The following MYO3B variants were observed in gnomAD, a reference collection of about 807,000 sequenced individuals.
MYO3B encodes the protein myosin IIIB.
MYO3B carries 156 observed loss-of-function variants against 174.6 expected under a neutral mutation model. The observed-to-expected ratio is 0.89, with a 90% confidence interval of 0.78 to 1.02. The LOEUF (loss-of-function observed/expected upper bound fraction) is 1.02, where lower values mean the gene tolerates loss of function less well. MYO3B is among the 50% of genes least tolerant of loss of function. The probability of loss-of-function intolerance (pLI) is 0.00; values close to 1 mark genes in which losing one functional copy is unlikely to be tolerated. For missense variants in MYO3B, 1,632 were observed against 1,639.4 expected, an observed-to-expected ratio of 1.00 and a Z score of 0.08; for synonymous variants, 563 against 569.1, an observed-to-expected ratio of 0.99 and a Z score of 0.15.
intron 7 of MYO3B, among the ~76,000 whole-genome samples, chr2:170,263,911 A>G (rs1322130783): frequency 6.6e-6 from 1 of 152,142 alleles, no homozygotes; most frequent in Non-Finnish European, 1.5e-5. Flanking sequence ...GTGAGGCCAT[A>G]TCTCAGGCTA....
chr2:170,519,122 T>C (rs1382906100), intron 29 of MYO3B, among the ~76,000 whole-genome samples: 1 of 152,182 alleles, frequency 6.6e-6, no homozygotes, highest in East Asian at 1.9e-4. Flanking sequence ...GTTCCAGCTG[T>C]TGTATACTGC....
At chr2:170,540,968 T>G (rs1690061287) in intron 30 of MYO3B, among the ~76,000 whole-genome samples, 1 of 152,192 alleles carries the variant, frequency 6.6e-6, no homozygotes, top group Admixed American at 6.5e-5. Context: ...TCTAATTTAT[T>G]TGCCTGTAGA....
At chr2:170,445,303 T>G (rs532719887) in intron 23 of MYO3B, among the ~76,000 whole-genome samples, 11 of 152,202 alleles carry the variant, frequency 7.2e-5, no homozygotes, top group Admixed American at 2.6e-4. Flanking sequence ...CTTCTTGTGC[T>G]TAGAAACACT....
intron 7 of MYO3B, among the ~76,000 whole-genome samples, chr2:170,293,736 T>TC (rs2093610931): frequency 6.6e-6 from 1 of 152,096 alleles, no homozygotes; most frequent in Non-Finnish European, 1.5e-5. Flanking sequence ...AGACCACAGC[T>TC]CCCCTGATTG....
intron 1 of MYO3B, among the ~76,000 whole-genome samples, chr2:170,183,657 T>C (rs2092430356): frequency 6.6e-6 from 1 of 152,164 alleles, no homozygotes; most frequent in South Asian, 2.1e-4. Flanking sequence ...ATCTTCCCAG[T>C]GTTTATTTCT....
chr2:170,600,397 T>C (rs1163308690), intron 32 of MYO3B, among the ~76,000 whole-genome samples: 1 of 152,170 alleles, frequency 6.6e-6, no homozygotes, highest in Non-Finnish European at 1.5e-5. Flanking sequence ...ACGTGACTAA[T>C]GAATGAGTTT....
intron 3 of MYO3B, among the ~76,000 whole-genome samples, chr2:170,210,643 C>CA (rs1559301683): frequency 6.6e-6 from 1 of 152,176 alleles, no homozygotes; most frequent in Non-Finnish European, 1.5e-5. Flanking sequence ...ACCAAAAAGG[C>CA]AGTTTATAAC....
At chr2:170,522,959 T>TA (rs35950752) in intron 30 of MYO3B, among the ~76,000 whole-genome samples, 2 of 152,122 alleles carry the variant, frequency 1.3e-5, no homozygotes, top group African/African-American at 2.4e-5. Flanking sequence ...CTCTTGTTAC[T>TA]AAAAAAAATC....
At chr2:170,498,735 G>T (rs369405057) in intron 26 of MYO3B, 32 bp downstream of exon 26, 39 of 1,399,984 alleles carry the variant, frequency 2.8e-5, no homozygotes, top group African/African-American at 4.2e-5. Flanking sequence ...AAATTGTCCC[G>T]TATGATTTCT....
chr2:170,279,949 T>C (rs1348309587), intron 7 of MYO3B, among the ~76,000 whole-genome samples: 1 of 152,200 alleles, frequency 6.6e-6, no homozygotes, highest in East Asian at 1.9e-4. Flanking sequence ...GTCTTTATGG[T>C]AGAATGATTT....
chr2:170,505,040 C>A (rs376662536), intron 28 of MYO3B, among the ~76,000 whole-genome samples: 1 of 152,064 alleles, frequency 6.6e-6, no homozygotes, highest in East Asian at 1.9e-4. Context: ...GTCTAGAGAT[C>A]TCTGCGGGCC....
intron 1 of MYO3B, among the ~76,000 whole-genome samples, chr2:170,194,583 C>T (rs115877853): frequency 4.7e-3 from 714 of 151,754 alleles, no homozygotes; most frequent in South Asian, 0.011. Flanking sequence ...TGGAGAGAAA[C>T]CTGAGCTTTT....
chr2:170,620,871 A>G (rs1167683546), intron 32 of MYO3B, among the ~76,000 whole-genome samples: 2 of 152,166 alleles, frequency 1.3e-5, no homozygotes, highest in African/African-American at 4.8e-5. Flanking sequence ...CTAGCCTCTC[A>G]GGGTGTTTGC....
At chr2:170,271,987 C>T (rs2093428494) in intron 7 of MYO3B, among the ~76,000 whole-genome samples, 1 of 151,864 alleles carries the variant, frequency 6.6e-6, no homozygotes, top group African/African-American at 2.4e-5. Flanking sequence ...TTGCAGATGC[C>T]AGCTGACTGG....
chr2:170,547,565 C>T (rs942263757), intron 32 of MYO3B, among the ~76,000 whole-genome samples: 5 of 152,090 alleles, frequency 3.3e-5, no homozygotes, highest in African/African-American at 9.6e-5. Context: ...TTTATTTATT[C>T]AAAAAATAAT....
intron 8 of MYO3B, chr2:170,340,261 C>T (rs146655312): frequency 3.9e-5 from 6 of 152,136 alleles, no homozygotes; most frequent in Non-Finnish European, 8.8e-5. Context: ...AGGACCTCAT[C>T]ATCAGTGGTC....
At chr2:170,265,486 A>G (rs758690750) in intron 7 of MYO3B, among the ~76,000 whole-genome samples, 7 of 152,262 alleles carry the variant, frequency 4.6e-5, no homozygotes, top group African/African-American at 9.6e-5. Context: ...CCCAATTCCC[A>G]TGCCAAGATT....
chr2:170,324,947 T>G (rs1461065522), intron 7 of MYO3B, among the ~76,000 whole-genome samples: 2 of 152,124 alleles, frequency 1.3e-5, no homozygotes, highest in African/African-American at 4.8e-5. Flanking sequence ...GCAGGTGGTC[T>G]TATGCTTGCC....
chr2:170,417,115 T>C (rs1413265720), intron 22 of MYO3B, among the ~76,000 whole-genome samples: 9 of 152,166 alleles, frequency 5.9e-5, no homozygotes, highest in African/African-American at 1.7e-4. Context: ...TTTCCAGATC[T>C]TTATGGGTCC....
Sources: allele counts gnomAD v4.1 joint callset (sites outside exome capture counted in the v4.1 genomes callset), GRCh38; gene constraint gnomAD v4.1.1; transcripts MANE v1.5; gene names NCBI Gene and HGNC (gene_info 2026-07-23, HGNC 2026-07-21).